Variants in EXOC6B observed in about 807,000 individuals in gnomAD.
EXOC6B encodes SEC15 homolog B.
Under a neutral mutation model 113.5 loss-of-function variants are expected in EXOC6B, and 54 were observed. The ratio of observed to expected loss-of-function variants is 0.48; its 90% CI spans 0.38 to 0.60. EXOC6B has a LOEUF of 0.60. Ranked by LOEUF, EXOC6B falls within the 20% of genes least tolerant of loss-of-function variation. EXOC6B has a pLI of 0.00. For synonymous variants in EXOC6B, 357 were observed against 339.0 expected (o/e 1.05, Z -0.58); for missense variants, 797 against 977.5 (o/e 0.82, Z 2.46).
At chr2:72,387,421 G>A (rs1692100537) in intron 18 of EXOC6B, among the ~76,000 whole-genome samples, 1 of 152,098 alleles carries the variant, frequency 6.6e-6, no homozygotes, top group South Asian at 2.1e-4. Context: ...TTTCAGAAAT[G>A]TTTGATAGAA....
chr2:72,825,988 C>CACAG lies in EXOC6B; in HGVS notation c.-82_-79dup, dbSNP rs1686889122. 9 of 1,547,694 alleles carry CACAG rather than the reference C, an allele frequency of 5.8e-6. No individual in the cohort carries two copies. The highest frequency in any genetic ancestry group is 1.8e-5 in the Admixed American group (1 of 55,592). Reference sequence around the variant, plus strand: ...CCCTGCCCCACAATGCCGCTCCCACCACAGGCTCCACAGCCGCCCCAGCCT... The same window carrying CACAG: ...CCCTGCCCCACAATGCCGCTCCCACCACAGACAGGCTCCACAGCCGCCCCAGCCT... On this transcript the variant is annotated 5_prime_UTR_variant, in exon 1 of 22. Coordinates refer to ENST00000272427, the MANE Select transcript of EXOC6B (RefSeq NM_015189.3). This position sits in a 1 kb window ranked among gnomAD's most constrained non-coding sequence, Gnocchi z 4.4.
chr2:72,741,343 A>G lies in EXOC6B; in HGVS notation c.240T>C (p.Thr80=). 1 of 1,613,514 alleles carries G rather than the reference A, an allele frequency of 6.2e-7. No homozygotes were observed. The highest frequency in any genetic ancestry group is 8.5e-7 in the Non-Finnish European group (1 of 1,179,742). Residue 80 remains threonine (T), a synonymous_variant, in exon 2 of 22, where the codon ACT becomes ACC. Transcript: ENST00000272427. ...FHYQGFVDSI[T]ELLKVRGEAQ... ...CTTCTCCTCTCACTTTCAGCAGTTC[A>G]GTTATAGAGTCCACAAAGCCCTGGT...
At chr2:72,645,790 CA>C (rs1673662495) in intron 6 of EXOC6B, among the ~76,000 whole-genome samples, 1 of 152,142 alleles carries the variant, frequency 6.6e-6, no homozygotes, top group Non-Finnish European at 1.5e-5. Context: ...ACATTTAAAG[CA>C]GTGTGTAGAG....
Position 72,204,964 on chromosome 2 carries a change from ACTCAACGGAATAGCTGAGGTG to A in EXOC6B, c.2197-20798_2197-20778del, listed in dbSNP as rs563415438. 1.6e-4 allele frequency among the ~76,000 whole-genome samples: 24 copies of A among 152,208 alleles called. No homozygotes were observed. The South Asian group carries it at 5.0e-3, about 32-fold the overall frequency. Reference sequence around the variant, plus strand: ...GCTCTAGAAGCCTGCAAAGCCTAAAACTCAACGGAATAGCTGAGGTGCTCCTGGTCCCATTTCCAGACAGTC... The same window carrying A: ...GCTCTAGAAGCCTGCAAAGCCTAAAACTCCTGGTCCCATTTCCAGACAGTC... On this transcript the variant is annotated intron_variant, in intron 20 of 21. Coordinates refer to ENST00000272427, the MANE Select transcript of EXOC6B (RefSeq NM_015189.3).
At chr2:72,461,356 TA>T (rs11292877) in intron 18 of EXOC6B, 18,995 of 138,284 alleles carry the variant, frequency 0.14, 1,297 homozygotes, top group African/African-American at 0.19. Flanking sequence ...CTTAAAGTAT[TA>T]AAAAAAAAAA....
At chr2:72,816,790 G>T (rs1055705833) in intron 1 of EXOC6B, among the ~76,000 whole-genome samples, 3 of 152,110 alleles carry the variant, frequency 2.0e-5, no homozygotes, top group Non-Finnish European at 2.9e-5. Context: ...TCTCTCTATG[G>T]CTACTAATTT....
intron 6 of EXOC6B, among the ~76,000 whole-genome samples, chr2:72,650,635 G>GAAAAGAA (rs1674095810): frequency 1.3e-5 from 2 of 150,114 alleles, no homozygotes; most frequent in African/African-American, 4.9e-5. Context: ...AAAGAAAAGA[G>GAAAAGAA]AAAAGAAAAA....
rs537525595 is a variant in EXOC6B, at chr2:72,412,998, A to G, written c.1981-33128T>C. Among the ~76,000 whole-genome samples, 9 of 151,250 alleles carry G rather than the reference A, an allele frequency of 6.0e-5. No individual in the cohort carries two copies. The South Asian group carries it at 1.9e-3, about 32-fold the overall frequency. On this transcript the variant is annotated intron_variant, in intron 18 of 21. Transcript: ENST00000272427. ...TCTTGAGACAGAGTCTCGCTCTGTC[A>G]CCCAGGCTGGAGTGCAGTGGCGCGA... is the stretch of plus-strand genomic sequence containing the variant.
At position 72,495,422 on chromosome 2, in the gene EXOC6B, T is replaced by C; in HGVS notation, c.1553+8A>G. 7.2e-7 allele frequency: 1 copy of C among 1,396,304 alleles called. No individual in the cohort carries two copies. Among genetic ancestry groups the C allele is most frequent in the East Asian group, 2.3e-5 (1 of 43,438 alleles). The allele number at this position is 1,396,304 out of a possible 1,614,324, so 86.5% of individuals were successfully genotyped here. ...CATTGGTTACATTTCTACTATTTTG[T>C]ATTATACCTTAGATGAAGATCTTCT... On this transcript the variant is annotated splice_region_variant and intron_variant, in intron 15 of 21. Coordinates refer to ENST00000272427, the MANE Select transcript of EXOC6B (RefSeq NM_015189.3).
At chr2:72,267,659 A>G (rs1370385064) in intron 20 of EXOC6B, among the ~76,000 whole-genome samples, 1 of 152,198 alleles carries the variant, frequency 6.6e-6, no homozygotes, top group Non-Finnish European at 1.5e-5. Flanking sequence ...TCGGTCTGCC[A>G]GTATTTTATT....
At chr2:72,617,898 T>A (rs756365996) in intron 6 of EXOC6B, among the ~76,000 whole-genome samples, 1 of 152,100 alleles carries the variant, frequency 6.6e-6, no homozygotes, top group African/African-American at 2.4e-5. Context: ...AAAAAAACAA[T>A]TCATGAGAGA....
At chr2:72,449,939 C>A (rs1323101448) in intron 18 of EXOC6B, among the ~76,000 whole-genome samples, 1 of 152,178 alleles carries the variant, frequency 6.6e-6, no homozygotes, top group Non-Finnish European at 1.5e-5. Flanking sequence ...AGTTCATACT[C>A]TTATTTATCT....
intron 11 of EXOC6B, among the ~76,000 whole-genome samples, chr2:72,500,969 A>G (rs1294954706): frequency 6.6e-6 from 1 of 152,150 alleles, no homozygotes; most frequent in African/African-American, 2.4e-5. Context: ...TAAAACTAGT[A>G]TCGATACCAA....
intron 19 of EXOC6B, among the ~76,000 whole-genome samples, chr2:72,366,473 A>G (rs1021764819): frequency 7.9e-5 from 12 of 152,132 alleles, no homozygotes; most frequent in Non-Finnish European, 1.5e-5. Context: ...GAAGTGGTCT[A>G]AAATATATGT....
intron 1 of EXOC6B, among the ~76,000 whole-genome samples, chr2:72,754,307 C>T (rs926202163): frequency 7.2e-5 from 11 of 152,302 alleles, no homozygotes; most frequent in African/African-American, 2.4e-4. Context: ...CAAACAAGAT[C>T]ATGAGTCCAT....
chr2:72,494,293 C>A (rs562869068), intron 15 of EXOC6B, among the ~76,000 whole-genome samples: 2 of 152,114 alleles, frequency 1.3e-5, no homozygotes, highest in South Asian at 4.1e-4. Flanking sequence ...ACCCTACAGA[C>A]AATTATCTGA....
chr2:72,798,321 C>T (rs1222144935), intron 1 of EXOC6B, among the ~76,000 whole-genome samples: 4 of 151,480 alleles, frequency 2.6e-5, no homozygotes, highest in Non-Finnish European at 5.9e-5. Context: ...TCTTAAGCTA[C>T]ATTTATCACA....
intron 8 of EXOC6B, among the ~76,000 whole-genome samples, chr2:72,524,754 A>C (rs1293742063): frequency 1.3e-5 from 2 of 152,220 alleles, no homozygotes; most frequent in African/African-American, 2.4e-5. Flanking sequence ...GTATGTACCC[A>C]CAAAAATTAA....
At chr2:72,340,170 G>A (rs1365092874) in intron 19 of EXOC6B, among the ~76,000 whole-genome samples, 2 of 152,012 alleles carry the variant, frequency 1.3e-5, no homozygotes, top group Admixed American at 1.3e-4. Context: ...ATATATAAAA[G>A]AGCACAGAAT....
Sources: gnomAD v4.1 joint callset for allele counts (sites outside exome capture counted in the v4.1 genomes callset) on GRCh38, gnomAD v4.1.1 for gene constraint, Gnocchi (gnomAD v3.1) non-coding constraint, MANE v1.5 for transcripts, NCBI Gene and HGNC (gene_info 2026-07-23, HGNC 2026-07-21) for gene names.